SMG6: variants seen among roughly 807,000 people sequenced by gnomAD.
SMG6 encodes the protein telomerase-binding protein EST1A.
In SMG6, 66 loss-of-function variants were observed where a neutral mutation model predicts 142.2. The observed-to-expected ratio is 0.46, with a 90% confidence interval of 0.38 to 0.57. The LOEUF (loss-of-function observed/expected upper bound fraction) is 0.57. Ranked by LOEUF, SMG6 falls within the 20% of genes least tolerant of loss-of-function variation. The pLI is 0.00. For synonymous variants in SMG6, 779 were observed against 702.4 expected (o/e 1.11, Z -1.72); for missense variants, 1,793 against 1,832.0 (o/e 0.98, Z 0.39).
chr17:2,140,671 C>CAAA lies in SMG6; in HGVS notation c.3357+31984_3357+31986dup, dbSNP rs10635640. 9.5e-3 allele frequency among the ~76,000 whole-genome samples: 1,015 copies of CAAA among 107,310 alleles called. 17 individuals are homozygous for CAAA. The highest frequency in any genetic ancestry group is 0.027 in the African/African-American group (841 of 31,010). 70.4% of individuals were successfully genotyped at this position (107,310 alleles called of 152,430 possible). A position where few individuals can be genotyped will look rare whatever the true frequency, so the allele number is the denominator to read the frequency against. ...TGGGTGACAGAGTGAGATTCCATCT[C>CAAA]AAAAAAAAAAAAAAAAATTCTTCAT... On this transcript the variant is annotated intron_variant, in intron 13 of 18. Coordinates refer to ENST00000263073, the MANE Select transcript of SMG6 (RefSeq NM_017575.5).
At chr17:2,122,283 T>G (rs1461955947) in intron 13 of SMG6, 1 of 152,142 alleles carries the variant, frequency 6.6e-6, no homozygotes, top group Non-Finnish European at 1.5e-5. Context: ...ATGTTCAACT[T>G]TGCTGTATAA....
chr17:2,162,517 G>GAA (rs56092903), intron 13 of SMG6, among the ~76,000 whole-genome samples: 11 of 60,644 alleles, frequency 1.8e-4, no homozygotes, highest in East Asian at 1.2e-3. Context: ...CCCCATCTCA[G>GAA]AAAAAAAAAA....
intron 8 of SMG6, among the ~76,000 whole-genome samples, chr17:2,256,612 T>C (rs1289898150): frequency 1.3e-5 from 2 of 151,710 alleles, no homozygotes; most frequent in Non-Finnish European, 2.9e-5. Flanking sequence ...AAAATAAAAA[T>C]AAAATAAAAT....
At chr17:2,259,659 C>T (rs1376591875) in intron 8 of SMG6, among the ~76,000 whole-genome samples, 9 of 125,432 alleles carry the variant, frequency 7.2e-5, no homozygotes, top group Non-Finnish European at 1.5e-4. Context: ...GGTGACAAAA[C>T]GAGACCCTGT....
At chr17:2,081,049 C>T (rs2068409074) in intron 15 of SMG6, among the ~76,000 whole-genome samples, 2 of 152,214 alleles carry the variant, frequency 1.3e-5, no homozygotes, top group African/African-American at 4.8e-5. Flanking sequence ...TGCCTGATCA[C>T]ATGCATCAAA....
Position 2,299,824 on chromosome 17 carries a change from T to A in SMG6, c.929A>T (p.Asp310Val). 2 of 1,614,214 alleles carry A rather than the reference T, an allele frequency of 1.2e-6. No homozygotes were observed. The highest frequency in any genetic ancestry group is 1.7e-6 in the Non-Finnish European group (2 of 1,180,032). The change falls in exon 2 of 19, where the codon GAT becomes GTT. Residue 310 changes from aspartate to valine, a missense_variant. This residue lies in a region of SMG6 where 1,597 missense variants were observed against 1,584.6 expected (regional missense o/e 1.01). Transcript: ENST00000263073. This position sits in a 1 kb window ranked among gnomAD's most constrained non-coding sequence, Gnocchi z 4.3. ...CCTGGGTCCTAATCCATCAGGCTCA[T>A]CAATTCTGTCCTCGTCTAAGGAATC... Reference protein sequence around the residue: ...STDSLDEDRIDEPDGLGPRRS... With the variant: ...STDSLDEDRIVEPDGLGPRRS...
At chr17:2,069,006 C>T (rs774891002) in intron 15 of SMG6, 75 bp from the exon 16 acceptor site, 29 of 1,475,990 alleles carry the variant, frequency 2.0e-5, no homozygotes, top group Middle Eastern at 1.8e-4. Context: ...CCTGACACTA[C>T]GGTGTGTCAG....
chr17:2,152,342 A>C (rs1288997503), intron 13 of SMG6, among the ~76,000 whole-genome samples: 1 of 152,244 alleles, frequency 6.6e-6, no homozygotes, highest in Admixed American at 6.5e-5. Flanking sequence ...ATGGTCCTCT[A>C]CTAAGAGAGC....
At chr17:2,114,370 T>C (rs1409587925) in intron 13 of SMG6, among the ~76,000 whole-genome samples, 1 of 152,136 alleles carries the variant, frequency 6.6e-6, no homozygotes, top group East Asian at 1.9e-4. Flanking sequence ...ATCCTTCCAG[T>C]TTCCCATTGA....
At chr17:2,172,384 G>A (rs2071531830) in intron 13 of SMG6, among the ~76,000 whole-genome samples, 1 of 152,048 alleles carries the variant, frequency 6.6e-6, no homozygotes, top group Admixed American at 6.6e-5. Context: ...TGAGAGCACT[G>A]CCAACACAAG....
At position 2,081,801 on chromosome 17, in the gene SMG6, C is replaced by T. The variant is rs544505674; in HGVS notation, c.3681+9G>A. 36 of 1,612,482 alleles carry T rather than the reference C, an allele frequency of 2.2e-5. No individual in the cohort carries two copies. The highest frequency in any genetic ancestry group is 1.1e-4 in the East Asian group (5 of 44,906). On this transcript the variant is annotated intron_variant, in intron 15 of 18. Transcript: ENST00000263073. ...ATAGTGGGAACCACGCTCCCCAGGCCGACTTCACCTGGATCTTTTCCTGGC... is the reference window on the plus strand; with the variant it reads ...ATAGTGGGAACCACGCTCCCCAGGCTGACTTCACCTGGATCTTTTCCTGGC...
chr17:2,144,625 T>C (rs185936792), intron 13 of SMG6, among the ~76,000 whole-genome samples: 21 of 152,308 alleles, frequency 1.4e-4, no homozygotes, highest in African/African-American at 5.1e-4. Flanking sequence ...CTTTGTGGCC[T>C]GAGTAGAAGC....
At chr17:2,232,925 T>C (rs981168119) in intron 10 of SMG6, 7 of 152,202 alleles carry the variant, frequency 4.6e-5, no homozygotes, top group Non-Finnish European at 1.0e-4. Context: ...CATCTAAACT[T>C]TTCCTTTCAT....
chr17:2,148,528 A>G (rs2070735605), intron 13 of SMG6, among the ~76,000 whole-genome samples: 1 of 152,262 alleles, frequency 6.6e-6, no homozygotes, highest in South Asian at 2.1e-4. Flanking sequence ...CAAATATTTT[A>G]TGATTCCACT....
chr17:2,094,302 GT>G, intron 13 of SMG6, among the ~76,000 whole-genome samples: 1 of 152,218 alleles, frequency 6.6e-6, no homozygotes, highest in East Asian at 1.9e-4. Flanking sequence ...CCAGGCTGCG[GT>G]GCAGTGGCGA....
chr17:2,197,652 G>C (rs949676670), intron 10 of SMG6, among the ~76,000 whole-genome samples: 6 of 151,556 alleles, frequency 4.0e-5, no homozygotes, highest in African/African-American at 1.2e-4. Flanking sequence ...AATACATTTA[G>C]AAAATGGGCA....
chr17:2,164,377 C>T (rs1385804757), intron 13 of SMG6, among the ~76,000 whole-genome samples: 1 of 151,598 alleles, frequency 6.6e-6, no homozygotes, highest in Non-Finnish European at 1.5e-5. Flanking sequence ...GAGCCAAGAT[C>T]ATGCTACTGC....
At chr17:2,286,185 T>C (rs754879781) in intron 6 of SMG6, among the ~76,000 whole-genome samples, 1 of 151,892 alleles carries the variant, frequency 6.6e-6, no homozygotes, top group Admixed American at 6.6e-5. Context: ...ATTTTGAAGA[T>C]GGCAATACTT....
At chr17:2,277,317 C>T (rs1013345755) in intron 8 of SMG6, among the ~76,000 whole-genome samples, 1 of 151,908 alleles carries the variant, frequency 6.6e-6, no homozygotes, top group African/African-American at 2.4e-5. Context: ...CAGGTGCCTG[C>T]CACCATGCCC....
Sources: gnomAD v4.1 joint callset for allele counts (sites outside exome capture counted in the v4.1 genomes callset) on GRCh38, gnomAD v4.1.1 for gene constraint, gnomAD v4.1.1 regional missense constraint, Gnocchi (gnomAD v3.1) non-coding constraint, MANE v1.5 for transcripts, NCBI Gene and HGNC (gene_info 2026-07-23, HGNC 2026-07-21) for gene names.